The following ASIC2 variants were observed in gnomAD, a reference collection of about 807,000 sequenced individuals.
ASIC2 encodes acid-sensing ion channel 2.
A neutral mutation model predicts 57.3 loss-of-function variants in ASIC2; 25 were observed. The observed-to-expected ratio is 0.44, with a 90% confidence interval of 0.32 to 0.61. The LOEUF (loss-of-function observed/expected upper bound fraction) is 0.61. Ranked by LOEUF, ASIC2 falls within the 20% of genes least tolerant of loss-of-function variation. The pLI is 0.06. For synonymous variants in ASIC2, 319 were observed against 307.5 expected (o/e 1.04, Z -0.39); for missense variants, 641 against 738.1 (o/e 0.87, Z 1.52).
At chr17:33,492,604 C>A (rs867793212) in intron 1 of ASIC2, among the ~76,000 whole-genome samples, 2 of 152,194 alleles carry the variant, frequency 1.3e-5, no homozygotes, top group African/African-American at 2.4e-5. Flanking sequence ...CCTTCCTTTG[C>A]CCCATTTAAA....
intron 1 of ASIC2, among the ~76,000 whole-genome samples, chr17:33,592,423 G>C (rs1904856150): frequency 6.6e-6 from 1 of 152,240 alleles, no homozygotes; most frequent in African/African-American, 2.4e-5. Flanking sequence ...TTTGGAGATG[G>C]CTGGGTCAGG....
chr17:33,281,396 G>A (rs1532455), intron 1 of ASIC2, among the ~76,000 whole-genome samples: 82,540 of 151,994 alleles, frequency 0.54, 23,170 homozygotes, highest in Non-Finnish European at 0.6. Context: ...AATAGTGGTA[G>A]CTCACATTTA....
chr17:33,484,091 C>T (rs1913501560), intron 1 of ASIC2, among the ~76,000 whole-genome samples: 1 of 152,170 alleles, frequency 6.6e-6, no homozygotes, highest in South Asian at 2.1e-4. Flanking sequence ...GAAGAAACAG[C>T]CCTGCTAATG....
At chr17:33,840,561 AT>A (rs554977303) in intron 1 of ASIC2, among the ~76,000 whole-genome samples, 127 of 152,270 alleles carry the variant, frequency 8.3e-4, no homozygotes, top group African/African-American at 3.0e-3. Context: ...GATGTTTGGA[AT>A]TTATCCTGAA....
At chr17:34,131,842 A>G (rs1308479178) in intron 1 of ASIC2, among the ~76,000 whole-genome samples, 3 of 152,198 alleles carry the variant, frequency 2.0e-5, no homozygotes, top group Non-Finnish European at 4.4e-5. Context: ...GAGAATCTGG[A>G]TCCCAGCGTG....
intron 1 of ASIC2, among the ~76,000 whole-genome samples, chr17:34,136,751 C>T (rs1190312248): frequency 2.6e-5 from 4 of 152,180 alleles, no homozygotes; most frequent in African/African-American, 7.2e-5. Flanking sequence ...TGTCATGAGC[C>T]GTGGCCACTC....
chr17:34,050,679 A>C (rs1978136), intron 1 of ASIC2, among the ~76,000 whole-genome samples: 51,974 of 152,108 alleles, frequency 0.34, 10,027 homozygotes, highest in African/African-American at 0.53. Flanking sequence ...AACTCTGAAT[A>C]CATCACCCGA....
chr17:33,845,672 C>A (rs1913574480), intron 1 of ASIC2, among the ~76,000 whole-genome samples: 1 of 152,144 alleles, frequency 6.6e-6, no homozygotes, highest in South Asian at 2.1e-4. Flanking sequence ...AGGCACCTTA[C>A]CTGTTAGAAC....
intron 1 of ASIC2, among the ~76,000 whole-genome samples, chr17:33,874,614 C>A (rs1458550871): frequency 1.3e-5 from 2 of 152,210 alleles, no homozygotes; most frequent in African/African-American, 4.8e-5. Flanking sequence ...TGTTCCCCTG[C>A]CACTGAGCTG....
At chr17:33,098,462 GC>G (rs2092193467) in intron 2 of ASIC2, among the ~76,000 whole-genome samples, 1 of 152,162 alleles carries the variant, frequency 6.6e-6, no homozygotes, top group South Asian at 2.1e-4. Flanking sequence ...ATATTTTGAA[GC>G]TAGGCAAGCT....
chr17:33,815,204 A>G (rs1912540931), intron 1 of ASIC2, among the ~76,000 whole-genome samples: 2 of 152,158 alleles, frequency 1.3e-5, no homozygotes, highest in African/African-American at 4.8e-5. Context: ...GGGTCTACAG[A>G]GGCCCTGCCA....
At chr17:34,034,659 C>A (rs1452637138) in intron 1 of ASIC2, among the ~76,000 whole-genome samples, 3 of 152,320 alleles carry the variant, frequency 2.0e-5, no homozygotes, top group Admixed American at 1.3e-4. Context: ...GCAACTTCAG[C>A]AAAGTCTCAG....
At chr17:33,064,843 C>T (rs145984151) in intron 3 of ASIC2, among the ~76,000 whole-genome samples, 98 of 152,328 alleles carry the variant, frequency 6.4e-4, no homozygotes, top group African/African-American at 2.3e-3. Flanking sequence ...TTTTGGTGGT[C>T]CACATTTTAT....
At chr17:34,123,318 C>A (rs1349279418) in intron 1 of ASIC2, among the ~76,000 whole-genome samples, 1 of 152,190 alleles carries the variant, frequency 6.6e-6, no homozygotes, top group African/African-American at 2.4e-5. Context: ...AGAAACCCCA[C>A]AGGAACCCGC....
At chr17:33,964,228 G>T (rs990999160) in intron 1 of ASIC2, among the ~76,000 whole-genome samples, 4 of 152,208 alleles carry the variant, frequency 2.6e-5, no homozygotes, top group Non-Finnish European at 5.9e-5. Context: ...GCCAACTCCA[G>T]CTTCGACTTT....
At chr17:33,154,050 G>A (rs1324244445) in intron 1 of ASIC2, among the ~76,000 whole-genome samples, 1 of 152,070 alleles carries the variant, frequency 6.6e-6, no homozygotes, top group Non-Finnish European at 1.5e-5. Flanking sequence ...TCTACCTCAG[G>A]GTCTGCTTCC....
intron 1 of ASIC2, among the ~76,000 whole-genome samples, chr17:33,797,108 C>G (rs1013900037): frequency 6.6e-6 from 1 of 152,158 alleles, no homozygotes; most frequent in Admixed American, 6.5e-5. Flanking sequence ...CATAGTTTCA[C>G]CCCTGACGCA....
At chr17:33,028,482 G>A in intron 3 of ASIC2, 90 bp from the exon 4 acceptor site, 2 of 1,485,004 alleles carry the variant, frequency 1.3e-6, no homozygotes, top group Non-Finnish European at 1.9e-6. Context: ...CAATTATTGA[G>A]CATTTAAATA....
intron 2 of ASIC2, among the ~76,000 whole-genome samples, chr17:33,110,388 C>G (rs1180450681): frequency 1.3e-5 from 2 of 152,144 alleles, no homozygotes; most frequent in East Asian, 3.9e-4. Context: ...TCAGAACGGA[C>G]ACAAACCTTC....
Sources: gnomAD v4.1 joint callset for allele counts (sites outside exome capture counted in the v4.1 genomes callset) on GRCh38, gnomAD v4.1.1 for gene constraint, MANE v1.5 for transcripts, NCBI Gene and HGNC (gene_info 2026-07-23, HGNC 2026-07-21) for gene names.